Variants in DMBX1 observed in about 807,000 individuals in gnomAD.
DMBX1 encodes the protein diencephalon/mesencephalon homeobox protein 1.
DMBX1 carries 7 observed loss-of-function variants against 30.4 expected under a neutral mutation model. That is an observed-to-expected ratio of 0.23 (90% CI 0.13 to 0.43). DMBX1 has a LOEUF of 0.43. Ranked by LOEUF, DMBX1 falls within the 20% of genes least tolerant of loss-of-function variation. The pLI, the probability that DMBX1 is intolerant of heterozygous loss-of-function variation, is 1.00. For missense variants in DMBX1, 460 were observed against 508.5 expected (o/e 0.90, Z 0.92); for synonymous variants, 222 against 214.2 (o/e 1.04, Z -0.32).
chr1:46,492,994 C>T (rs537349247), intron 2 of DMBX1, among the ~76,000 whole-genome samples: 128 of 152,162 alleles, frequency 8.4e-4, no homozygotes, highest in Non-Finnish European at 1.3e-3. Flanking sequence ...TCCCTATTCC[C>T]GCCACTCTCT....
At chr1:46,494,750 G>A (rs1665997087) in intron 2 of DMBX1, among the ~76,000 whole-genome samples, 1 of 152,152 alleles carries the variant, frequency 6.6e-6, no homozygotes, top group South Asian at 2.1e-4. Flanking sequence ...ATACTTCCAA[G>A]CCCACCTGCC....
intron 2 of DMBX1, among the ~76,000 whole-genome samples, chr1:46,497,617 A>G (rs1217823624): frequency 6.6e-6 from 1 of 152,202 alleles, no homozygotes; most frequent in Non-Finnish European, 1.5e-5. Context: ...TTTCTTTTTA[A>G]TCAAAGACGT....
At position 46,507,123 on chromosome 1, in the gene DMBX1, G is replaced by A. The variant is rs1385864136; in HGVS notation, c.113G>A (p.Arg38Gln). The change falls in exon 3 of 6, where the codon CGG becomes CAG. Residue 38 changes from arginine (R) to glutamine (Q), a missense_variant. Transcript: ENST00000360032. ...CAGGCCCAGCATGCCCCCGACTACCGGCCTTCAGTGCATGCGCTTACATTG... is the reference window on the plus strand; with the variant it reads ...CAGGCCCAGCATGCCCCCGACTACCAGCCTTCAGTGCATGCGCTTACATTG... ...AQQAQHAPDY[R>Q]PSVHALTLAE... is the part of the protein sequence containing the mutation. 6.8e-6 allele frequency: 11 copies of A among 1,614,086 alleles called. No homozygotes were observed. The highest frequency in any genetic ancestry group is 1.1e-5 in the South Asian group (1 of 91,094).
At chr1:46,503,342 G>A (rs943864264) in intron 2 of DMBX1, among the ~76,000 whole-genome samples, 8 of 152,264 alleles carry the variant, frequency 5.3e-5, no homozygotes, top group Admixed American at 2.6e-4. Flanking sequence ...ATTCCAGTCC[G>A]ACAGTAGTAC....
intron 2 of DMBX1, among the ~76,000 whole-genome samples, chr1:46,496,224 G>T (rs1200547465): frequency 6.6e-6 from 1 of 152,188 alleles, no homozygotes; most frequent in Non-Finnish European, 1.5e-5. Context: ...CATCTGAGAG[G>T]TAGTAGCTGG....
In DMBX1 at chr1:46,511,262, A is replaced by C. The variant is rs1342354732; in HGVS notation, c.661A>C (p.Lys221Gln). 7 of 1,597,876 alleles carry C rather than the reference A, an allele frequency of 4.4e-6. No homozygotes were observed. The highest frequency in any genetic ancestry group is 3.4e-5 in the South Asian group (3 of 89,044). ...PGADSKGLGC[K>Q]RGSPKADSPG... Reference sequence around the variant, plus strand: ...GGCTGACAGCAAGGGGCTGGGCTGCAAGAGGGGCAGCCCCAAGGCAGGTGA... The same window carrying C: ...GGCTGACAGCAAGGGGCTGGGCTGCCAGAGGGGCAGCCCCAAGGCAGGTGA... The change falls in exon 5 of 6, where the codon AAG becomes CAG. Residue 221 changes from lysine (K) to glutamine (Q), a missense_variant. Physicochemically the swap from Lys to Gln is moderately conservative, Grantham distance 53. Around this residue, in one of 3 missense-constraint regions of DMBX1, gnomAD observed 334 missense variants for 345.1 expected, o/e 0.97. Transcript: ENST00000360032.
intron 2 of DMBX1, among the ~76,000 whole-genome samples, chr1:46,501,262 CT>C (rs1365639923): frequency 7.9e-6 from 1 of 126,440 alleles, no homozygotes; most frequent in East Asian, 2.5e-4. Context: ...TTCTTTCTTT[CT>C]TTCTTTCTCT....
chr1:46,492,008 C>T (rs1665937934), intron 2 of DMBX1, among the ~76,000 whole-genome samples: 1 of 152,232 alleles, frequency 6.6e-6, no homozygotes, highest in Non-Finnish European at 1.5e-5. Flanking sequence ...GGCATTGCTA[C>T]TCAGGAGGGG....
At chr1:46,509,857 A>G (rs1480828897) in intron 3 of DMBX1, among the ~76,000 whole-genome samples, 1 of 152,110 alleles carries the variant, frequency 6.6e-6, no homozygotes, top group Non-Finnish European at 1.5e-5. Flanking sequence ...CTGTTCAGGA[A>G]ACAGAAGAGT....
At chr1:46,499,155 G>A (rs901359935) in intron 2 of DMBX1, among the ~76,000 whole-genome samples, 4 of 151,928 alleles carry the variant, frequency 2.6e-5, no homozygotes, top group Admixed American at 2.0e-4. Flanking sequence ...TCCTGCCTCA[G>A]CCTCCCGAGT....
chr1:46,495,433 A>C (rs1666008841), intron 2 of DMBX1, among the ~76,000 whole-genome samples: 1 of 152,192 alleles, frequency 6.6e-6, no homozygotes, highest in South Asian at 2.1e-4. Context: ...TTAGCTGTGT[A>C]GCTTTGGACA....
intron 1 of DMBX1, among the ~76,000 whole-genome samples, 87 bp downstream of exon 1, chr1:46,489,964 A>G (rs1003017348): frequency 6.6e-6 from 1 of 152,108 alleles, no homozygotes; most frequent in Non-Finnish European, 1.5e-5. Context: ...GAACCCGGGG[A>G]CAGCCTCCCC....
chr1:46,511,908 A>G, intron 5 of DMBX1, 135 bp from the exon 6 acceptor site: 1 of 892,118 alleles, frequency 1.1e-6, no homozygotes, highest in Non-Finnish European at 1.7e-6. Flanking sequence ...GCTCTGGCTG[A>G]GATGGGATGG....
At chr1:46,511,740 T>G (rs1418379512) in intron 5 of DMBX1, among the ~76,000 whole-genome samples, 6 of 144,342 alleles carry the variant, frequency 4.2e-5, no homozygotes, top group African/African-American at 7.8e-5. Flanking sequence ...AAGGTTGGAG[T>G]GAAGGAATGG....
At chr1:46,508,825 C>CCCCCCCCCCCCA (rs1666292409) in intron 3 of DMBX1, among the ~76,000 whole-genome samples, 1 of 125,554 alleles carries the variant, frequency 8.0e-6, no homozygotes, top group Non-Finnish European at 1.7e-5. Flanking sequence ...ACCCCCCACC[C>CCCCCCCCCCCCA]CCCACCACCC....
rs1219166355 is a variant in DMBX1 at position 46,511,267 on chromosome 1, G to A, written c.666G>A (p.Arg222=). 1 of 1,594,654 alleles carries A rather than the reference G, an allele frequency of 6.3e-7. No individual in the cohort carries two copies. Among genetic ancestry groups the A allele is most frequent in the Non-Finnish European group, 8.5e-7 (1 of 1,171,246 alleles). ...GADSKGLGCK[R]GSPKADSPGS... is the part of the protein sequence containing the mutation. ...ACAGCAAGGGGCTGGGCTGCAAGAG[G>A]GGCAGCCCCAAGGCAGGTGAGGTCT... The change falls in exon 5 of 6, where the codon AGG becomes AGA. Residue 222 remains arginine, a synonymous_variant. Coordinates refer to ENST00000360032, the MANE Select transcript of DMBX1 (RefSeq NM_172225.2).
rs1167985928 is a variant in DMBX1, at chr1:46,493,898, T to A, written c.-13+3115T>A. 6.6e-6 allele frequency among the ~76,000 whole-genome samples: 1 copy of A among 152,256 alleles called. No individual in the cohort carries two copies. Among genetic ancestry groups the A allele is most frequent in the Admixed American group, 6.5e-5 (1 of 15,288 alleles). On this transcript the variant is annotated intron_variant, in intron 2 of 5. Coordinates refer to ENST00000360032, the MANE Select transcript of DMBX1 (RefSeq NM_172225.2). This position sits in a 1 kb window ranked among gnomAD's most constrained non-coding sequence, Gnocchi z 4.1. ...AGCAGCTCTGCTCCTCAGGGTACTC[T>A]GTAGTCCCTGTTTCCCAGCCCCGGC...
At chr1:46,490,186 C>T (rs1665902964) in intron 1 of DMBX1, among the ~76,000 whole-genome samples, 2 of 152,090 alleles carry the variant, frequency 1.3e-5, no homozygotes, top group African/African-American at 4.8e-5. Context: ...CTTAGGGAGA[C>T]AGAAAGAGCG....
rs752103868 is a variant in DMBX1, at chr1:46,511,034, G to A, written c.433G>A (p.Glu145Lys). ...KQKEAEGSHG[E>K]GKAEAPTPDT... ...GAAGGAGGCTGAGGGCTCCCATGGGGAAGGCAAGGCCGAGGCCCCCACTCC... is the reference window on the plus strand; with the variant it reads ...GAAGGAGGCTGAGGGCTCCCATGGGAAAGGCAAGGCCGAGGCCCCCACTCC... The change falls in exon 5 of 6, where the codon GAA becomes AAA. Residue 145 changes from glutamate (E) to lysine (K), a missense_variant. Coordinates refer to ENST00000360032, the MANE Select transcript of DMBX1 (RefSeq NM_172225.2). 4 of 1,614,014 alleles carry A rather than the reference G, an allele frequency of 2.5e-6. No homozygotes were observed. In the African/African-American group the frequency reaches 4.0e-5, roughly 16 times the overall value.
Sources: allele counts gnomAD v4.1 joint callset (sites outside exome capture counted in the v4.1 genomes callset), GRCh38; gene constraint gnomAD v4.1.1; regional missense constraint gnomAD v4.1.1; non-coding constraint Gnocchi (gnomAD v3.1); transcripts MANE v1.5; gene names NCBI Gene and HGNC (gene_info 2026-07-23, HGNC 2026-07-21).